The following DNAJC3 variants were observed in gnomAD, a reference collection of about 807,000 sequenced individuals.
DNAJC3 encodes the protein dnaJ homolog subfamily C member 3.
DNAJC3 carries 38 observed loss-of-function variants against 68.6 expected under a neutral mutation model. The observed-to-expected ratio is 0.55, with a 90% CI of 0.43 to 0.73. The LOEUF (loss-of-function observed/expected upper bound fraction) is 0.73, where lower values mean the gene tolerates loss of function less well. Among genes scored for constraint, DNAJC3 ranks in the 30% least tolerant of loss-of-function variants. The pLI, the probability that DNAJC3 is intolerant of heterozygous loss-of-function variation, is 0.00. For missense variants in DNAJC3, 526 were observed against 591.9 expected, an observed-to-expected ratio of 0.89 and a Z score of 1.16; for synonymous variants, 203 against 204.0, an observed-to-expected ratio of 1.00 and a Z score of 0.04.
rs1883915713 is a variant in DNAJC3, at chr13:95,794,919, C to G, written c.*3889C>G. On this transcript the variant is annotated 3_prime_UTR_variant, in exon 12 of 12. Coordinates refer to ENST00000602402, the MANE Select transcript of DNAJC3 (RefSeq NM_006260.5). ...TTGAAATGGGTCTCAGACATGTCTA[C>G]AAATATGGGTACTATTTTTATGCCC... The G allele has an allele frequency of 6.6e-6, 1 of 152,172 alleles. No individual in the cohort carries two copies. The highest frequency in any genetic ancestry group is 1.5e-5 in the Non-Finnish European group (1 of 68,034). The allele number at this position is 152,172 out of a possible 1,614,324, so 9.4% of individuals were successfully genotyped here. A position where few individuals can be genotyped will look rare whatever the true frequency, so the allele number is the denominator to read the frequency against.
chr13:95,782,953 C>G (rs12583253), intron 9 of DNAJC3, among the ~76,000 whole-genome samples: 7,294 of 152,192 alleles, frequency 0.048, 312 homozygotes, highest in East Asian at 0.19. Context: ...TTATGTCTTA[C>G]GTTTAAGTCT....
chr13:95,768,050 A>G (rs1029877075), intron 9 of DNAJC3, among the ~76,000 whole-genome samples: 2 of 151,978 alleles, frequency 1.3e-5, no homozygotes, highest in African/African-American at 4.8e-5. Flanking sequence ...AGCCATCTTA[A>G]TGGGCTTGAG....
intron 1 of DNAJC3, among the ~76,000 whole-genome samples, chr13:95,698,473 T>A (rs1593959865): frequency 6.6e-6 from 1 of 152,138 alleles, no homozygotes; most frequent in African/African-American, 2.4e-5. Context: ...CTAGTCCTGA[T>A]AGGGGTGGTT....
At chr13:95,733,109 T>C (rs372768200) in intron 4 of DNAJC3, among the ~76,000 whole-genome samples, 15 of 152,164 alleles carry the variant, frequency 9.9e-5, no homozygotes, top group African/African-American at 3.6e-4. Flanking sequence ...TATATTCTAC[T>C]GTTTTAGGGT....
At chr13:95,740,387 A>G (rs1055978574) in intron 4 of DNAJC3, among the ~76,000 whole-genome samples, 1 of 152,178 alleles carries the variant, frequency 6.6e-6, no homozygotes, top group Non-Finnish European at 1.5e-5. Flanking sequence ...AGCCTGGGCA[A>G]TGGCGGGCGC....
intron 1 of DNAJC3, among the ~76,000 whole-genome samples, chr13:95,690,627 C>A (rs1880208021): frequency 6.7e-6 from 1 of 148,560 alleles, no homozygotes; most frequent in Non-Finnish European, 1.5e-5. Flanking sequence ...GACCCCCCCA[C>A]CTCCCTCCCG....
chr13:95,725,943 C>T (rs1423408988), intron 4 of DNAJC3, among the ~76,000 whole-genome samples: 10 of 150,086 alleles, frequency 6.7e-5, no homozygotes, highest in East Asian at 5.9e-4. Context: ...TTTGTCCTTG[C>T]GATAGTTTGC....
At chr13:95,724,231 T>C (rs1417796221) in intron 3 of DNAJC3, among the ~76,000 whole-genome samples, 1 of 152,200 alleles carries the variant, frequency 6.6e-6, no homozygotes, top group African/African-American at 2.4e-5. Context: ...GGAGTGGCTT[T>C]TTTATGATAG....
At chr13:95,735,317 G>A (rs865899448) in intron 4 of DNAJC3, among the ~76,000 whole-genome samples, 7,528 of 109,310 alleles carry the variant, frequency 0.069, 325 homozygotes, top group African/African-American at 0.14. Context: ...ATGATTTATA[G>A]TCCTTTGGGT....
chr13:95,745,079 G>C (rs992057409), intron 4 of DNAJC3: 7 of 152,076 alleles, frequency 4.6e-5, no homozygotes, highest in Admixed American at 1.3e-4. Flanking sequence ...AACTATTAGA[G>C]AATGTTGTAT....
At chr13:95,722,835 C>CCCCCG (rs1399075302) in intron 2 of DNAJC3, among the ~76,000 whole-genome samples, 1 of 29,388 alleles carries the variant, frequency 3.4e-5, no homozygotes, top group Non-Finnish European at 1.0e-4. Context: ...CCCCCCCCCC[C>CCCCCG]CCCCGCCGAA....
At chr13:95,722,134 G>T (rs1231785322) in intron 2 of DNAJC3, among the ~76,000 whole-genome samples, 1 of 152,172 alleles carries the variant, frequency 6.6e-6, no homozygotes, top group Admixed American at 6.5e-5. Context: ...GCTTCTGACT[G>T]AATCCACTCT....
chr13:95,787,285 A>T (rs867959661), intron 11 of DNAJC3, 130 bp downstream of exon 11: 1 of 1,139,878 alleles, frequency 8.8e-7, no homozygotes. Context: ...CCAGAGGTCC[A>T]GTTTTATGCC....
At chr13:95,768,888 T>G (rs1187001270) in intron 9 of DNAJC3, among the ~76,000 whole-genome samples, 1 of 152,032 alleles carries the variant, frequency 6.6e-6, no homozygotes, top group Non-Finnish European at 1.5e-5. Flanking sequence ...GGCAGGAGAA[T>G]CACTTGAACT....
intron 4 of DNAJC3, among the ~76,000 whole-genome samples, chr13:95,749,375 G>A (rs1167388305): frequency 6.6e-6 from 1 of 152,184 alleles, no homozygotes; most frequent in Non-Finnish European, 1.5e-5. Flanking sequence ...CTCTTTGAGA[G>A]AGATTCAAAT....
At chr13:95,762,263 T>TAAAA (rs59576762) in intron 7 of DNAJC3, among the ~76,000 whole-genome samples, 2,257 of 151,840 alleles carry the variant, frequency 0.015, 59 homozygotes, top group African/African-American at 0.052. Flanking sequence ...ACTCCGTCTC[T>TAAAA]AAAAAAAATG....
chr13:95,691,727 G>A (rs1459751458), intron 1 of DNAJC3, among the ~76,000 whole-genome samples: 3 of 152,178 alleles, frequency 2.0e-5, no homozygotes, highest in Non-Finnish European at 4.4e-5. Flanking sequence ...AGGTTGTAGC[G>A]AGCCGAGATC....
intron 2 of DNAJC3, among the ~76,000 whole-genome samples, chr13:95,711,454 C>T (rs1334588702): frequency 6.6e-6 from 1 of 151,972 alleles, no homozygotes; most frequent in Non-Finnish European, 1.5e-5. Context: ...GCCAAGATCG[C>T]ACCATTGCAC....
At position 95,782,758 on chromosome 13, in the gene DNAJC3, C is replaced by T. The variant is rs886992318; in HGVS notation, c.1076-3181C>T. Among the ~76,000 whole-genome samples, 7 of 152,022 alleles carry T rather than the reference C, an allele frequency of 4.6e-5. No homozygotes were observed. The East Asian group carries it at 1.2e-3, about 25-fold the overall frequency. The stretch of plus-strand genomic sequence containing the variant: ...CCCATTCATGGCAACAAAATTCTCC[C>T]GTGTAGGTTGCCTGTTCACTCTGAT... On this transcript the variant is annotated intron_variant, in intron 9 of 11. Transcript: ENST00000602402.
Sources: allele counts gnomAD v4.1 joint callset (sites outside exome capture counted in the v4.1 genomes callset), GRCh38; gene constraint gnomAD v4.1.1; transcripts MANE v1.5; gene names NCBI Gene and HGNC (gene_info 2026-07-23, HGNC 2026-07-21).